RRP9: variants seen among roughly 807,000 people sequenced by gnomAD.
RRP9 encodes U3 small nucleolar RNA-interacting protein 2.
In RRP9, 35 loss-of-function variants were observed where a neutral mutation model predicts 65.5. The observed-to-expected ratio is 0.53, with a 90% CI of 0.41 to 0.71. The LOEUF is 0.71. RRP9 is among the 30% of genes least tolerant of loss of function. RRP9 has a pLI of 0.00. For synonymous variants in RRP9, 254 were observed against 245.0 expected, an observed-to-expected ratio of 1.04 and a Z score of -0.34; for missense variants, 533 against 633.6, an observed-to-expected ratio of 0.84 and a Z score of 1.70.
At chr3:51,940,695 T>A (rs1406396032) in intron 2 of RRP9, among the ~76,000 whole-genome samples, 1 of 151,988 alleles carries the variant, frequency 6.6e-6, no homozygotes, top group Non-Finnish European at 1.5e-5. Context: ...TTTTTTTTTG[T>A]ACAGACAAGA....
rs1219177671 is a variant in RRP9, at chr3:51,933,689, C to A, written c.1334+19G>T. ...CCAGCCTGCACCACCTTACCTGAACCCTCGAGGGCCACACATACCTGTGCT... is the reference window on the plus strand; with the variant it reads ...CCAGCCTGCACCACCTTACCTGAACACTCGAGGGCCACACATACCTGTGCT... On this transcript the variant is annotated intron_variant, in intron 14 of 14. Transcript: ENST00000232888. The A allele has an allele frequency of 6.2e-7, 1 of 1,613,862 alleles. No individual in the cohort carries two copies. The highest frequency in any genetic ancestry group is 1.7e-5 in the Admixed American group (1 of 60,018).
rs140213630 is a variant in RRP9, at chr3:51,936,258, G to A, written c.734C>T (p.Ser245Leu). ...YTFTGHRDAVSGLAFRRGTHQ... is the reference protein window; with the variant it reads ...YTFTGHRDAVLGLAFRRGTHQ... ...ACTGACATAGACCCAGCTCCTCACC[G>A]ACACTGCATCCCGGTGTCCTGTGAA... Residue 245 changes from serine to leucine, a missense_variant and splice_region_variant, in exon 8 of 15, where the codon TCG becomes TTG. This residue lies in a region of RRP9 where 449 missense variants were observed against 550.6 expected (regional missense o/e 0.82). Coordinates refer to ENST00000232888, the MANE Select transcript of RRP9 (RefSeq NM_004704.5). 2.8e-4 allele frequency: 452 copies of A among 1,613,826 alleles called. No individual in the cohort carries two copies. Among genetic ancestry groups the A allele is most frequent in the Non-Finnish European group, 3.5e-4 (410 of 1,179,722 alleles).
chr3:51,936,593 G>T (rs936233194), intron 6 of RRP9, 38 bp from the exon 7 acceptor site: 1 of 1,599,844 alleles, frequency 6.3e-7, no homozygotes, highest in Non-Finnish European at 8.5e-7. Flanking sequence ...CTGGGATGGG[G>T]GGATAGGGCT....
chr3:51,939,501 G>C (rs1472725590), intron 2 of RRP9, among the ~76,000 whole-genome samples: 1 of 152,258 alleles, frequency 6.6e-6, no homozygotes, highest in African/African-American at 2.4e-5. Flanking sequence ...GCAGAGACTT[G>C]GGGGGAAGGA....
chr3:51,935,867 T>C (rs1334266560), intron 8 of RRP9, among the ~76,000 whole-genome samples, 175 bp from the exon 9 acceptor site: 1 of 152,186 alleles, frequency 6.6e-6, no homozygotes. Context: ...TTTTTATTTA[T>C]TTATTTTTTT....
At position 51,934,589 on chromosome 3, in the gene RRP9, C is replaced by G; in HGVS notation, c.1181-38G>C. 6.2e-7 allele frequency: 1 copy of G among 1,613,622 alleles called. No individual in the cohort carries two copies. Among genetic ancestry groups the G allele is most frequent in the Non-Finnish European group, 8.5e-7 (1 of 1,179,654 alleles). ...GAACAGTGAGCAACCCCTGCACCGGCCCACCCGGCGACCCCTCCTCCCTGC... is the reference window on the plus strand; with the variant it reads ...GAACAGTGAGCAACCCCTGCACCGGGCCACCCGGCGACCCCTCCTCCCTGC... On this transcript the variant is annotated intron_variant, in intron 12 of 14. Transcript: ENST00000232888. The surrounding 1 kb of genome is among the most constrained non-coding windows in gnomAD (Gnocchi z 4.1).
Position 51,937,484 on chromosome 3 carries a change from A to T in RRP9, c.390+61T>A, listed in dbSNP as rs1361564561. 8 of 1,609,754 alleles carry T rather than the reference A, an allele frequency of 5.0e-6. No homozygotes were observed. In the Admixed American group the frequency reaches 1.2e-4, roughly 23 times the overall value. On this transcript the variant is annotated intron_variant, in intron 5 of 14. Coordinates refer to ENST00000232888, the MANE Select transcript of RRP9 (RefSeq NM_004704.5). The surrounding 1 kb of genome is among the most constrained non-coding windows in gnomAD (Gnocchi z 5.0). The stretch of plus-strand genomic sequence containing the variant: ...GACCAGATAGGCCCAAGTGTCCACC[A>T]TGTTCCAAGTGGGGCCCCCAATTCC...
In RRP9 at chr3:51,938,198, A is replaced by C. The variant is rs1418819033; in HGVS notation, c.177T>G (p.Ala59=). 1 of 1,560,968 alleles carries C rather than the reference A, an allele frequency of 6.4e-7. No individual in the cohort carries two copies. The highest frequency in any genetic ancestry group is 1.9e-5 in the Admixed American group (1 of 52,736). ...CCTCCTCCTCCTCAGGCTTCCTTGG[A>C]GCTAGGCTGTGGGCAGGAAGGGGCT... ...ISSDSESESL[A]PRKPEEEEEE... The change falls in exon 3 of 15, where the codon GCT becomes GCG. Residue 59 remains alanine, a synonymous_variant. Transcript: ENST00000232888.
chr3:51,941,702 G>T, intron 1 of RRP9, 79 bp downstream of exon 1: 1 of 1,339,274 alleles, frequency 7.5e-7, no homozygotes. Flanking sequence ...GGGAAGGGCC[G>T]GGACCCAGGT....
At position 51,933,432 on chromosome 3, in the gene RRP9, C is replaced by A. The variant is rs1699409601; in HGVS notation, c.*74G>T. 1 of 1,328,840 alleles carries A rather than the reference C, an allele frequency of 7.5e-7. No homozygotes were observed. 82.3% of individuals were successfully genotyped at this position (1,328,840 alleles called of 1,614,324 possible). On this transcript the variant is annotated 3_prime_UTR_variant, in exon 15 of 15. Transcript: ENST00000232888. Reference sequence around the variant, plus strand: ...CCAAGAAGCTACAAGAAACAAGGCCCAAAAGAGGAGGCTTTTAATACAAAG... The same window carrying A: ...CCAAGAAGCTACAAGAAACAAGGCCAAAAAGAGGAGGCTTTTAATACAAAG...
At position 51,937,330 on chromosome 3, in the gene RRP9, G is replaced by A. The variant is rs200389221; in HGVS notation, c.391-12C>T. The A allele has an allele frequency of 1.3e-5, 21 of 1,613,986 alleles. No homozygotes were observed. In the East Asian group the frequency reaches 4.0e-4, roughly 31 times the overall value. ...GCTGGGGCCTGGATCTGGGCAGACAGGGGCCAGGTCACTGTGGCTAGTGGC... is the reference window on the plus strand; with the variant it reads ...GCTGGGGCCTGGATCTGGGCAGACAAGGGCCAGGTCACTGTGGCTAGTGGC... On this transcript the variant is annotated splice_polypyrimidine_tract_variant and intron_variant, in intron 5 of 14. Transcript: ENST00000232888. This position sits in a 1 kb window ranked among gnomAD's most constrained non-coding sequence, Gnocchi z 5.0.
chr3:51,935,685 G>A lies in RRP9; in HGVS notation c.743C>T (p.Ala248Val). ...TGHRDAVSGL[A>V]FRRGTHQLYS... ...GAGCTGGTGGGTGCCTCTGCGGAAT[G>A]CCAGACCCTAAGGGTGCATGGGGAG... The change falls in exon 9 of 15, where the codon GCA becomes GTA. Residue 248 changes from alanine (A) to valine (V), a missense_variant. By Grantham distance (64) the Ala-to-Val change is moderately conservative (BLOSUM62 0). Around this residue, in one of 3 missense-constraint regions of RRP9, gnomAD observed 449 missense variants for 550.6 expected, o/e 0.82. Transcript: ENST00000232888. 1.2e-6 allele frequency: 2 copies of A among 1,613,926 alleles called. No individual in the cohort carries two copies. Among genetic ancestry groups the A allele is most frequent in the Non-Finnish European group, 1.7e-6 (2 of 1,179,826 alleles).
At chr3:51,936,591 G>A in intron 6 of RRP9, 36 bp from the exon 7 acceptor site, 5 of 1,602,858 alleles carry the variant, frequency 3.1e-6, no homozygotes, top group Non-Finnish European at 4.3e-6. Context: ...TACTGGGATG[G>A]GGGGATAGGG....
In RRP9 at chr3:51,934,374, G is replaced by C. The variant is rs1365855159; in HGVS notation, c.1260+98C>G. ...CTAGGAGCTGGCCCTGCCCTGAGAA[G>C]GTTCCCTTCTGGCAGGAAGAAAGAC... On this transcript the variant is annotated intron_variant, in intron 13 of 14. Coordinates refer to ENST00000232888, the MANE Select transcript of RRP9 (RefSeq NM_004704.5). The surrounding 1 kb of genome is among the most constrained non-coding windows in gnomAD (Gnocchi z 4.1). 3 of 1,296,474 alleles carry C rather than the reference G, an allele frequency of 2.3e-6. No homozygotes were observed. The highest frequency in any genetic ancestry group is 2.1e-6 in the Non-Finnish European group (2 of 937,376). The allele number at this position is 1,296,474 out of a possible 1,614,324, so 80.3% of individuals were successfully genotyped here.
In RRP9 at chr3:51,937,624, A is replaced by T. The variant is rs771175265; in HGVS notation, c.349-38T>A. On this transcript the variant is annotated intron_variant, in intron 4 of 14. Coordinates refer to ENST00000232888, the MANE Select transcript of RRP9 (RefSeq NM_004704.5). The surrounding 1 kb of genome is among the most constrained non-coding windows in gnomAD (Gnocchi z 5.0). The stretch of plus-strand genomic sequence containing the variant: ...GAGATGGATGAGACCCTGGGAGCAG[A>T]TCAGCTCCACCCCCGTCCTCCCCCA... The T allele has an allele frequency of 6.2e-6, 10 of 1,614,188 alleles. No homozygotes were observed. Among genetic ancestry groups the T allele is most frequent in the Middle Eastern group, 3.3e-4 (2 of 6,062 alleles).
In RRP9 at chr3:51,937,343, T is replaced by C; in HGVS notation, c.391-25A>G. On this transcript the variant is annotated intron_variant, in intron 5 of 14. Transcript: ENST00000232888. This position sits in a 1 kb window ranked among gnomAD's most constrained non-coding sequence, Gnocchi z 5.0. ...TCTGGGCAGACAGGGGCCAGGTCACTGTGGCTAGTGGCATAAAGGCACTAC... is the reference window on the plus strand; with the variant it reads ...TCTGGGCAGACAGGGGCCAGGTCACCGTGGCTAGTGGCATAAAGGCACTAC... 6.2e-7 allele frequency: 1 copy of C among 1,613,890 alleles called. No homozygotes were observed.
intron 1 of RRP9, 68 bp from the exon 2 acceptor site, chr3:51,941,559 C>CCA: frequency 7.0e-7 from 1 of 1,432,542 alleles, no homozygotes; most frequent in African/African-American, 1.4e-5. Flanking sequence ...AAGGGCCCCC[C>CCA]CCCCTCGGTT....
At position 51,937,240 on chromosome 3, in the gene RRP9, C is replaced by A; in HGVS notation, c.469G>T (p.Asp157Tyr). The change falls in exon 6 of 15, where the codon GAT (aspartate) becomes TAT (tyrosine). Residue 157 changes from aspartate to tyrosine, a missense_variant. Asp to Tyr is a radical substitution (Grantham distance 160). Around this residue, in one of 3 missense-constraint regions of RRP9, gnomAD observed 449 missense variants for 550.6 expected, o/e 0.82. Coordinates refer to ENST00000232888, the MANE Select transcript of RRP9 (RefSeq NM_004704.5). This position sits in a 1 kb window ranked among gnomAD's most constrained non-coding sequence, Gnocchi z 5.0. ...LSITCLVVTP[D>Y]DSAIFSAAKD... ...GCAGCAGAGAAGATGGCTGAGTCAT[C>A]GGGGGTGACGACCAAACATGTGATA... The A allele has an allele frequency of 6.2e-7, 1 of 1,614,028 alleles. No individual in the cohort carries two copies. Among genetic ancestry groups the A allele is most frequent in the Non-Finnish European group, 8.5e-7 (1 of 1,179,948 alleles).
Position 51,933,799 on chromosome 3 carries a change from A to G in RRP9, c.1261-18T>C. The G allele has an allele frequency of 1.9e-6, 3 of 1,612,850 alleles. No individual in the cohort carries two copies. Among genetic ancestry groups the G allele is most frequent in the Middle Eastern group, 1.7e-4 (1 of 6,060 alleles). On this transcript the variant is annotated intron_variant, in intron 13 of 14. Coordinates refer to ENST00000232888, the MANE Select transcript of RRP9 (RefSeq NM_004704.5). ...AAACCCACCTGAGCAGAAAGACAAC[A>G]CGGAAAGACATTAGAACGCCCCCCG... is the stretch of plus-strand genomic sequence containing the variant.
Sources: gnomAD v4.1 joint callset for allele counts (sites outside exome capture counted in the v4.1 genomes callset) on GRCh38, gnomAD v4.1.1 for gene constraint, gnomAD v4.1.1 regional missense constraint, Gnocchi (gnomAD v3.1) non-coding constraint, MANE v1.5 for transcripts, NCBI Gene and HGNC (gene_info 2026-07-23, HGNC 2026-07-21) for gene names.